Variants in ASPSCR1 observed in about 807,000 individuals in gnomAD.
The protein encoded by ASPSCR1 is tether containing UBX domain for GLUT4.
A neutral mutation model predicts 68.9 loss-of-function variants in ASPSCR1; 55 were observed. The ratio of observed to expected loss-of-function variants is 0.80; its 90% CI spans 0.64 to 1.00. The LOEUF (loss-of-function observed/expected upper bound fraction) is 1.00, where lower values mean the gene tolerates loss of function less well. Ranked by LOEUF, ASPSCR1 falls within the 50% of genes least tolerant of loss-of-function variation. The probability of loss-of-function intolerance (pLI) is 0.00; values close to 1 mark genes in which losing one functional copy is unlikely to be tolerated. For missense variants in ASPSCR1, 765 were observed against 762.2 expected, an observed-to-expected ratio of 1.00 and a Z score of -0.04; for synonymous variants, 352 against 332.6, an observed-to-expected ratio of 1.06 and a Z score of -0.63.
rs1294359935 is a variant in ASPSCR1 at position 81,977,656 on chromosome 17, C to G, written c.10C>G (p.Pro4Ala). 3 of 1,397,772 alleles carry G rather than the reference C, an allele frequency of 2.1e-6. No homozygotes were observed. Among genetic ancestry groups the G allele is most frequent in the Non-Finnish European group, 1.9e-6 (2 of 1,072,906 alleles). The allele number at this position is 1,397,772 out of a possible 1,614,324, so 86.6% of individuals were successfully genotyped here. MAA[P>A]AGGGGSAVSV... is the part of the protein sequence containing the mutation. The stretch of plus-strand genomic sequence containing the variant: ...GTCACGTGAGCGGAAAATGGCGGCC[C>G]CGGCAGGCGGCGGAGGCTCCGCGGT... Residue 4 changes from proline to alanine, a missense_variant, in exon 1 of 16, where the codon CCG becomes GCG. By Grantham distance (27) the Pro-to-Ala change is conservative. Transcript: ENST00000306739. This position sits in a 1 kb window ranked among gnomAD's most constrained non-coding sequence, Gnocchi z 5.0.
chr17:81,979,309 C>G lies in ASPSCR1; in HGVS notation c.158+70C>G, dbSNP rs868699812. ...CCCCTGCCCCCTGAACATACTGGCTCTCACTTGGAAAAGCCCCCAGGTGGT... is the reference window on the plus strand; with the variant it reads ...CCCCTGCCCCCTGAACATACTGGCTGTCACTTGGAAAAGCCCCCAGGTGGT... On this transcript the variant is annotated intron_variant, in intron 2 of 15. Coordinates refer to ENST00000306739, the MANE Select transcript of ASPSCR1 (RefSeq NM_024083.4). 5.8e-6 allele frequency: 9 copies of G among 1,541,984 alleles called. No homozygotes were observed. In the African/African-American group the frequency reaches 8.2e-5, roughly 14 times the overall value.
chr17:81,983,807 G>C lies in ASPSCR1; in HGVS notation c.273+139G>C. 1 of 665,588 alleles carries C rather than the reference G, an allele frequency of 1.5e-6. No individual in the cohort carries two copies. Among genetic ancestry groups the C allele is most frequent in the Non-Finnish European group, 2.5e-6 (1 of 396,404 alleles). 41.2% of individuals were successfully genotyped at this position (665,588 alleles called of 1,614,324 possible). ...CACCAGTTCTGCCTTCCCTGGGTTG[G>C]GCCCAAACAGCTTCCTGTTTTTTGA... On this transcript the variant is annotated intron_variant, in intron 3 of 15. Transcript: ENST00000306739. The surrounding 1 kb of genome is among the most constrained non-coding windows in gnomAD (Gnocchi z 4.4).
intron 11 of ASPSCR1, 72 bp from the exon 12 acceptor site, chr17:82,012,159 T>C: frequency 6.5e-7 from 1 of 1,531,006 alleles, no homozygotes; most frequent in Non-Finnish European, 9.0e-7. Context: ...TCTGCAGGCC[T>C]GTCTTCCTTC....
In ASPSCR1 at chr17:82,016,547, G is replaced by T. The variant is rs2043134143; in HGVS notation, c.1405+20G>T. On this transcript the variant is annotated intron_variant, in intron 13 of 15. Coordinates refer to ENST00000306739, the MANE Select transcript of ASPSCR1 (RefSeq NM_024083.4). ...CGGCAGGTGAGTGTCAGTGGTTGGG[G>T]CCAGTGTCGGAGTCCAGCCAGCCTG... The T allele has an allele frequency of 1.3e-6, 2 of 1,549,100 alleles. No homozygotes were observed. Among genetic ancestry groups the T allele is most frequent in the Non-Finnish European group, 1.7e-6 (2 of 1,146,902 alleles).
chr17:82,011,489 C>G (rs2042940385), intron 10 of ASPSCR1, 54 bp from the exon 11 acceptor site: 1 of 1,518,206 alleles, frequency 6.6e-7, no homozygotes. Flanking sequence ...GCTGGGGCAG[C>G]CCGGGGCTGG....
In ASPSCR1 at chr17:81,987,437, C is replaced by T. The variant is rs2042031869; in HGVS notation, c.374+1830C>T. On this transcript the variant is annotated intron_variant, in intron 4 of 15. Coordinates refer to ENST00000306739, the MANE Select transcript of ASPSCR1 (RefSeq NM_024083.4). This position sits in a 1 kb window ranked among gnomAD's most constrained non-coding sequence, Gnocchi z 5.6. Reference sequence around the variant, plus strand: ...GATGAACGTCTGGAAGGAAATGCCCCTGGGCCGGGCGGTGCCCCCGGGCGT... The same window carrying T: ...GATGAACGTCTGGAAGGAAATGCCCTTGGGCCGGGCGGTGCCCCCGGGCGT... Among the ~76,000 whole-genome samples, 1 of 152,238 alleles carries T rather than the reference C, an allele frequency of 6.6e-6. No homozygotes were observed. Among genetic ancestry groups the T allele is most frequent in the African/African-American group, 2.4e-5 (1 of 41,466 alleles).
At position 82,012,296 on chromosome 17, in the gene ASPSCR1, C is replaced by T; in HGVS notation, c.1353+13C>T. On this transcript the variant is annotated intron_variant, in intron 12 of 15. Coordinates refer to ENST00000306739, the MANE Select transcript of ASPSCR1 (RefSeq NM_024083.4). Reference sequence around the variant, plus strand: ...GACCCTCTTTCAGGTACCTGAGGGCCTCCCTGGGGTGCTGCGGGGCGGGGC... The same window carrying T: ...GACCCTCTTTCAGGTACCTGAGGGCTTCCCTGGGGTGCTGCGGGGCGGGGC... The T allele has an allele frequency of 6.2e-7, 1 of 1,612,708 alleles. No homozygotes were observed. The highest frequency in any genetic ancestry group is 2.2e-5 in the East Asian group (1 of 44,866).
rs1283825106 is a variant in ASPSCR1, at chr17:81,983,925, T to G, written c.273+257T>G. Reference sequence around the variant, plus strand: ...CAGGCTGGAGCTCAGTGGCGCAGTCTCGGCTCACTTCAAGCTCCGCCTCCC... The same window carrying G: ...CAGGCTGGAGCTCAGTGGCGCAGTCGCGGCTCACTTCAAGCTCCGCCTCCC... On this transcript the variant is annotated intron_variant, in intron 3 of 15. Transcript: ENST00000306739. The surrounding 1 kb of genome is among the most constrained non-coding windows in gnomAD (Gnocchi z 4.4). Among the ~76,000 whole-genome samples, 4 of 151,684 alleles carry G rather than the reference T, an allele frequency of 2.6e-5. No individual in the cohort carries two copies. Among genetic ancestry groups the G allele is most frequent in the Non-Finnish European group, 5.9e-5 (4 of 67,910 alleles).
rs1238476801 is a variant in ASPSCR1, at chr17:81,983,620, G to C, written c.225G>C (p.Lys75Asn). 1.2e-6 allele frequency: 2 copies of C among 1,613,662 alleles called. No homozygotes were observed. The highest frequency in any genetic ancestry group is 3.3e-5 in the Admixed American group (2 of 59,942). Residue 75 changes from lysine (K) to asparagine (N), a missense_variant, in exon 3 of 16, where the codon AAG becomes AAC. Physicochemically the swap from Lys to Asn is moderately conservative, Grantham distance 94. Coordinates refer to ENST00000306739, the MANE Select transcript of ASPSCR1 (RefSeq NM_024083.4). This position sits in a 1 kb window ranked among gnomAD's most constrained non-coding sequence, Gnocchi z 4.4. Reference protein sequence around the residue: ...WRFANLPNNAKLEMVPASRSR... With the variant: ...WRFANLPNNANLEMVPASRSR... ...TTGCCAACCTGCCCAACAATGCCAA[G>C]CTGGAGATGGTGCCCGCTTCCCGGA... is the stretch of plus-strand genomic sequence containing the variant.
intron 3 of ASPSCR1, among the ~76,000 whole-genome samples, chr17:81,984,880 A>G (rs1009331585): frequency 3.0e-5 from 1 of 32,834 alleles, no homozygotes; most frequent in Non-Finnish European, 5.4e-5. Context: ...CCCCGCACAC[A>G]CACCCCCCAC....
At chr17:82,010,909 G>T in intron 10 of ASPSCR1, 41 bp downstream of exon 10, 1 of 1,594,304 alleles carries the variant, frequency 6.3e-7, no homozygotes, top group Non-Finnish European at 8.6e-7. Flanking sequence ...GGGGGCAGGG[G>T]CCCATGGGGC....
intron 9 of ASPSCR1, 116 bp downstream of exon 9, chr17:82,009,683 C>G (rs899487977): frequency 3.3e-5 from 26 of 781,690 alleles, no homozygotes; most frequent in South Asian, 1.3e-4. Context: ...CCTGTGAGGT[C>G]TGTGGACAGG....
chr17:81,997,375 G>T (rs1360044176), intron 7 of ASPSCR1, among the ~76,000 whole-genome samples: 1 of 152,008 alleles, frequency 6.6e-6, no homozygotes, highest in Non-Finnish European at 1.5e-5. Flanking sequence ...GGGAGCTGGT[G>T]AACGCATCAG....
At chr17:82,002,109 C>T (rs1311904602) in intron 7 of ASPSCR1, among the ~76,000 whole-genome samples, 1 of 148,920 alleles carries the variant, frequency 6.7e-6, no homozygotes, top group Non-Finnish European at 1.5e-5. Flanking sequence ...CCATCTCAGC[C>T]TCCCGAGTAG....
rs2041867967 is a variant in ASPSCR1, at chr17:81,983,596, T to C, written c.201T>C (p.Phe67=). The change falls in exon 3 of 16, where the codon TTT becomes TTC. Residue 67 remains phenylalanine (F), a synonymous_variant. Transcript: ENST00000306739. This position sits in a 1 kb window ranked among gnomAD's most constrained non-coding sequence, Gnocchi z 4.4. ...TCGACCTTTCTCTCCAGTGGAGATT[T>C]GCCAACCTGCCCAACAATGCCAAGC... ...SVLDLSLQWR[F]ANLPNNAKLE... is the part of the protein sequence containing the mutation. The C allele has an allele frequency of 6.2e-7, 1 of 1,613,530 alleles. No individual in the cohort carries two copies. The highest frequency in any genetic ancestry group is 1.3e-5 in the African/African-American group (1 of 74,830).
chr17:81,996,673 G>T lies in ASPSCR1; in HGVS notation c.760G>T (p.Gly254Cys). The T allele has an allele frequency of 1.2e-6, 2 of 1,612,854 alleles. No individual in the cohort carries two copies. Among genetic ancestry groups the T allele is most frequent in the South Asian group, 2.2e-5 (2 of 91,052 alleles). Reference protein sequence around the residue: ...PFSGGGQRLGGPPGPTRPLTS... With the variant: ...PFSGGGQRLGCPPGPTRPLTS... ...CTCGGGTGGGGGACAGAGACTGGGG[G>T]GCCCTCCTGGGCCCACGAGGCCTCT... The change falls in exon 7 of 16, where the codon GGC (glycine) becomes TGC (cysteine). Residue 254 changes from glycine (G) to cysteine (C), a missense_variant. Gly to Cys is a radical substitution (Grantham distance 159). Transcript: ENST00000306739.
chr17:81,982,821 C>T (rs1303061555), intron 2 of ASPSCR1: 1 of 144,864 alleles, frequency 6.9e-6, no homozygotes, highest in African/African-American at 2.6e-5. Context: ...CCTTTCCTTT[C>T]CTTTTTTCTT....
At chr17:81,984,287 G>A (rs2041890253) in intron 3 of ASPSCR1, among the ~76,000 whole-genome samples, 2 of 152,150 alleles carry the variant, frequency 1.3e-5, no homozygotes, top group South Asian at 4.1e-4. Flanking sequence ...TGTTAGAGCC[G>A]AAAGCGCTGC....
intron 4 of ASPSCR1, among the ~76,000 whole-genome samples, chr17:81,993,972 T>G (rs556313839): frequency 6.6e-6 from 1 of 152,134 alleles, no homozygotes; most frequent in Non-Finnish European, 1.5e-5. Flanking sequence ...GAGGGGCATC[T>G]GCAAGGAAGG....
Sources: allele counts gnomAD v4.1 joint callset (sites outside exome capture counted in the v4.1 genomes callset), GRCh38; gene constraint gnomAD v4.1.1; non-coding constraint Gnocchi (gnomAD v3.1); transcripts MANE v1.5; gene names NCBI Gene and HGNC (gene_info 2026-07-23, HGNC 2026-07-21).